FOXB1: variants seen among roughly 807,000 people sequenced by gnomAD.
FOXB1 encodes the protein forkhead box protein B1.
Under a neutral mutation model 18.6 loss-of-function variants are expected in FOXB1, and 6 were observed. That is an observed-to-expected ratio of 0.32 (90% CI 0.18 to 0.64). FOXB1 has a LOEUF of 0.64. Ranked by LOEUF, FOXB1 falls within the 30% of genes least tolerant of loss-of-function variation. The probability of loss-of-function intolerance (pLI) is 0.78; values close to 1 mark genes in which losing one functional copy is unlikely to be tolerated. For synonymous variants in FOXB1, 213 were observed against 216.0 expected, an observed-to-expected ratio of 0.99 and a Z score of 0.12; for missense variants, 419 against 463.6, an observed-to-expected ratio of 0.90 and a Z score of 0.88.
chr15:60,005,511 C>T lies in FOXB1; in HGVS notation c.548C>T (p.Pro183Leu), dbSNP rs1892082418. ...ATCATCGCGCGGGAATACAAGATGC[C>T]TGGGGGGCTGGCCTTCTCCGCCATG... Reference protein sequence around the residue: ...ENIIAREYKMPGGLAFSAMQP... With the variant: ...ENIIAREYKMLGGLAFSAMQP... Residue 183 changes from proline (P) to leucine (L), a missense_variant, in exon 2 of 2, where the codon CCT (proline) becomes CTT (leucine). Around this residue, in one of 3 missense-constraint regions of FOXB1, gnomAD observed 71 missense variants for 110.0 expected, o/e 0.65. Coordinates refer to ENST00000396057, the MANE Select transcript of FOXB1 (RefSeq NM_012182.3). This position sits in a 1 kb window ranked among gnomAD's most constrained non-coding sequence, Gnocchi z 9.8. 1 of 1,611,196 alleles carries T rather than the reference C, an allele frequency of 6.2e-7. No homozygotes were observed. The highest frequency in any genetic ancestry group is 8.5e-7 in the Non-Finnish European group (1 of 1,179,368).
Position 60,005,973 on chromosome 15 carries a change from C to T in FOXB1, c.*32C>T. The T allele has an allele frequency of 1.9e-6, 3 of 1,541,122 alleles. No individual in the cohort carries two copies. The highest frequency in any genetic ancestry group is 2.6e-6 in the Non-Finnish European group (3 of 1,147,768). On this transcript the variant is annotated 3_prime_UTR_variant, in exon 2 of 2. Transcript: ENST00000396057. This position sits in a 1 kb window ranked among gnomAD's most constrained non-coding sequence, Gnocchi z 9.8. ...GGAGCCCACGCCCCCTCTCGTTCTCCTCCCCACCACCTCACTCGCCTTCCC... is the reference window on the plus strand; with the variant it reads ...GGAGCCCACGCCCCCTCTCGTTCTCTTCCCCACCACCTCACTCGCCTTCCC...
In FOXB1 at chr15:60,004,448, CG is replaced by C. The variant is rs987539264; in HGVS notation, c.-252del. The C allele has an allele frequency of 6.6e-6, 1 of 152,072 alleles. No homozygotes were observed. Among genetic ancestry groups the C allele is most frequent in the Non-Finnish European group, 1.5e-5 (1 of 68,060 alleles). 9.4% of individuals were successfully genotyped at this position (152,072 alleles called of 1,614,324 possible). Reference sequence around the variant, plus strand: ...GACTCCGCAGCCGAGCTCGGCCGCCCGCAGGACGCTCCAGGAGCGTCGCGGA... The same window carrying C: ...GACTCCGCAGCCGAGCTCGGCCGCCCCAGGACGCTCCAGGAGCGTCGCGGA... On this transcript the variant is annotated 5_prime_UTR_variant, in exon 1 of 2. Transcript: ENST00000396057.
In FOXB1 at chr15:60,006,199, T is replaced by TC; in HGVS notation, c.*262dup. 1 of 465,824 alleles carries TC rather than the reference T, an allele frequency of 2.1e-6. No individual in the cohort carries two copies. The highest frequency in any genetic ancestry group is 3.7e-6 in the Non-Finnish European group (1 of 268,632). 28.9% of individuals were successfully genotyped at this position (465,824 alleles called of 1,614,324 possible). A position where few individuals can be genotyped will look rare whatever the true frequency, so the allele number is the denominator to read the frequency against. ...GGCCGGGGCCACCTGAGCCGAACCATCCCCTCCCTGAGGCCCCGAAACCCC... is the reference window on the plus strand; with the variant it reads ...GGCCGGGGCCACCTGAGCCGAACCATCCCCCTCCCTGAGGCCCCGAAACCCC... On this transcript the variant is annotated 3_prime_UTR_variant, in exon 2 of 2. Transcript: ENST00000396057.
rs1892079454 is a variant in FOXB1 at position 60,005,321 on chromosome 15, A to G, written c.358A>G (p.Ser120Gly). Residue 120 changes from serine (S) to glycine (G), a missense_variant, in exon 2 of 2, where the codon AGC (serine) becomes GGC (glycine). Around this residue, in one of 3 missense-constraint regions of FOXB1, gnomAD observed 153 missense variants for 173.8 expected, o/e 0.88. Coordinates refer to ENST00000396057, the MANE Select transcript of FOXB1 (RefSeq NM_012182.3). This position sits in a 1 kb window ranked among gnomAD's most constrained non-coding sequence, Gnocchi z 9.8. ...GCTTAAGTCCGACCACCTGGCGCCCAGCAAGCCAGCCGACGCGGCGCAGTA... is the reference window on the plus strand; with the variant it reads ...GCTTAAGTCCGACCACCTGGCGCCCGGCAAGCCAGCCGACGCGGCGCAGTA... ...KVLKSDHLAP[S>G]KPADAAQYLQ... 3 of 1,610,624 alleles carry G rather than the reference A, an allele frequency of 1.9e-6. No individual in the cohort carries two copies. The highest frequency in any genetic ancestry group is 2.5e-6 in the Non-Finnish European group (3 of 1,179,448).
At position 60,005,144 on chromosome 15, in the gene FOXB1, C is replaced by G; in HGVS notation, c.181C>G (p.Leu61Val). The G allele has an allele frequency of 1.2e-6, 2 of 1,614,238 alleles. No homozygotes were observed. Among genetic ancestry groups the G allele is most frequent in the Admixed American group, 1.7e-5 (1 of 60,034 alleles). ...RENTQRWQNS[L>V]RHNLSFNDCF... ...GAACACGCAGCGCTGGCAGAACAGTCTGCGCCACAACCTCTCCTTCAACGA... is the reference window on the plus strand; with the variant it reads ...GAACACGCAGCGCTGGCAGAACAGTGTGCGCCACAACCTCTCCTTCAACGA... The change falls in exon 2 of 2, where the codon CTG becomes GTG. Residue 61 changes from leucine (L) to valine (V), a missense_variant. Leu to Val is a conservative substitution (Grantham distance 32). Transcript: ENST00000396057. This position sits in a 1 kb window ranked among gnomAD's most constrained non-coding sequence, Gnocchi z 9.8.
At position 60,005,109 on chromosome 15, in the gene FOXB1, A is replaced by G; in HGVS notation, c.146A>G (p.Tyr49Cys). ...AAGTTCATCATGGACCGCTTCCCCT[A>G]CTACAGGGAGAACACGCAGCGCTGG... ...IYKFIMDRFP[Y>C]YRENTQRWQN... Residue 49 changes from tyrosine to cysteine, a missense_variant, in exon 2 of 2, where the codon TAC (tyrosine) becomes TGC (cysteine). This residue lies in a region of FOXB1 where 153 missense variants were observed against 173.8 expected (regional missense o/e 0.88). Coordinates refer to ENST00000396057, the MANE Select transcript of FOXB1 (RefSeq NM_012182.3). The surrounding 1 kb of genome is among the most constrained non-coding windows in gnomAD (Gnocchi z 9.8). The G allele has an allele frequency of 6.2e-7, 1 of 1,614,002 alleles. No homozygotes were observed. The highest frequency in any genetic ancestry group is 8.5e-7 in the Non-Finnish European group (1 of 1,179,986).
At position 60,005,722 on chromosome 15, in the gene FOXB1, C is replaced by G. The variant is rs765907139; in HGVS notation, c.759C>G (p.Gly253=). 3 of 1,602,622 alleles carry G rather than the reference C, an allele frequency of 1.9e-6. No individual in the cohort carries two copies. The African/African-American group carries it at 4.0e-5, about 21-fold the overall frequency. ...VPLKPLCHAA[G]QTLPAIPVPI... is the part of the protein sequence containing the mutation. ...TGAAGCCGCTGTGCCACGCGGCGGGCCAAACGCTGCCCGCCATCCCCGTGC... is the reference window on the plus strand; with the variant it reads ...TGAAGCCGCTGTGCCACGCGGCGGGGCAAACGCTGCCCGCCATCCCCGTGC... The change falls in exon 2 of 2, where the codon GGC becomes GGG. Residue 253 remains glycine (G), a synonymous_variant. Transcript: ENST00000396057. The surrounding 1 kb of genome is among the most constrained non-coding windows in gnomAD (Gnocchi z 9.8).
chr15:60,005,077 G>C lies in FOXB1; in HGVS notation c.114G>C (p.Glu38Asp). 6.2e-7 allele frequency: 1 copy of C among 1,614,168 alleles called. No individual in the cohort carries two copies. The highest frequency in any genetic ancestry group is 8.5e-7 in the Non-Finnish European group (1 of 1,180,030). Residue 38 changes from glutamate (E) to aspartate (D), a missense_variant, in exon 2 of 2, where the codon GAG (glutamate) becomes GAC (aspartate). Physicochemically the swap from Glu to Asp is conservative, Grantham distance 45. Around this residue, in one of 3 missense-constraint regions of FOXB1, gnomAD observed 153 missense variants for 173.8 expected, o/e 0.88. Coordinates refer to ENST00000396057, the MANE Select transcript of FOXB1 (RefSeq NM_012182.3). The surrounding 1 kb of genome is among the most constrained non-coding windows in gnomAD (Gnocchi z 9.8). ...CCGAGAAGATGCTGCCGCTGAGCGA[G>C]ATCTACAAGTTCATCATGGACCGCT... ...SSPEKMLPLSEIYKFIMDRFP... is the reference protein window; with the variant it reads ...SSPEKMLPLSDIYKFIMDRFP...
chr15:60,006,285 T>G lies in FOXB1; in HGVS notation c.*344T>G. On this transcript the variant is annotated 3_prime_UTR_variant, in exon 2 of 2. Transcript: ENST00000396057. Reference sequence around the variant, plus strand: ...CCTCTTCGCCGAGAAAAGCGCGTCTTCCCTCCGCCCAGATCGGCGGAGCCC... The same window carrying G: ...CCTCTTCGCCGAGAAAAGCGCGTCTGCCCTCCGCCCAGATCGGCGGAGCCC... 1 of 346,392 alleles carries G rather than the reference T, an allele frequency of 2.9e-6. No individual in the cohort carries two copies. Among genetic ancestry groups the G allele is most frequent in the Non-Finnish European group, 5.2e-6 (1 of 191,354 alleles). The allele number at this position is 346,392 out of a possible 1,614,324, so 21.5% of individuals were successfully genotyped here. A position where few individuals can be genotyped will look rare whatever the true frequency, so the allele number is the denominator to read the frequency against.
Sources: allele counts gnomAD v4.1 joint callset, GRCh38; gene constraint gnomAD v4.1.1; regional missense constraint gnomAD v4.1.1; non-coding constraint Gnocchi (gnomAD v3.1); transcripts MANE v1.5; gene names NCBI Gene and HGNC (gene_info 2026-07-23, HGNC 2026-07-21).